The following NCMAP variants were observed in gnomAD, a reference collection of about 807,000 sequenced individuals.
NCMAP encodes non-compact myelin associated protein.
NCMAP carries 8 observed loss-of-function variants against 7.8 expected under a neutral mutation model. That is an observed-to-expected ratio of 1.02 (90% confidence interval 0.60 to 1.84). The LOEUF (loss-of-function observed/expected upper bound fraction) is 1.84, where lower values mean the gene tolerates loss of function less well. Ranked by LOEUF, NCMAP falls within the 40% of genes most tolerant of loss-of-function variation. The pLI, the probability that NCMAP is intolerant of heterozygous loss-of-function variation, is 0.00. For missense variants in NCMAP, 112 were observed against 131.4 expected, an observed-to-expected ratio of 0.85 and a Z score of 0.72; for synonymous variants, 41 against 52.9, an observed-to-expected ratio of 0.78 and a Z score of 0.98.
intron 3 of NCMAP, among the ~76,000 whole-genome samples, chr1:24,602,938 G>T (rs1652559834): frequency 6.6e-6 from 1 of 151,988 alleles, no homozygotes; most frequent in Non-Finnish European, 1.5e-5. Flanking sequence ...TACTTGGGAG[G>T]CTGAGGCAGG....
intron 1 of NCMAP, among the ~76,000 whole-genome samples, chr1:24,588,869 C>T (rs1651963374): frequency 6.6e-6 from 1 of 152,188 alleles, no homozygotes; most frequent in Non-Finnish European, 1.5e-5. Flanking sequence ...CTGCTGAACC[C>T]TGGCCTGTGT....
chr1:24,608,518 G>A lies in NCMAP; in HGVS notation c.*2771G>A, dbSNP rs1158204015. On this transcript the variant is annotated 3_prime_UTR_variant, in exon 4 of 4. Transcript: ENST00000374392. ...ACTTAGGCCCAAGGAGCAAGGGGTA[G>A]AATGGCATCTAACCAGAGCAAAGCC... 6.6e-6 allele frequency: 1 copy of A among 152,256 alleles called. No individual in the cohort carries two copies. Among genetic ancestry groups the A allele is most frequent in the East Asian group, 1.9e-4 (1 of 5,194 alleles). 9.4% of individuals were successfully genotyped at this position (152,256 alleles called of 1,614,324 possible).
intron 2 of NCMAP, among the ~76,000 whole-genome samples, chr1:24,600,134 C>T (rs1652427174): frequency 6.6e-6 from 1 of 151,062 alleles, no homozygotes; most frequent in Admixed American, 6.6e-5. Flanking sequence ...CTGCACCTAG[C>T]CAGATTTTTA....
chr1:24,572,518 AG>A (rs1029994618), intron 1 of NCMAP, among the ~76,000 whole-genome samples: 2 of 150,542 alleles, frequency 1.3e-5, no homozygotes, highest in African/African-American at 5.0e-5. Flanking sequence ...AGAACCTGCT[AG>A]CCCCGCCTGG....
chr1:24,568,968 T>C lies in NCMAP; in HGVS notation c.-8+12799T>C, dbSNP rs184399645. 5.9e-5 allele frequency among the ~76,000 whole-genome samples: 9 copies of C among 152,214 alleles called. No homozygotes were observed. The East Asian group carries it at 1.7e-3, about 29-fold the overall frequency. On this transcript the variant is annotated intron_variant, in intron 1 of 3. Coordinates refer to ENST00000374392, the MANE Select transcript of NCMAP (RefSeq NM_001010980.5). Reference sequence around the variant, plus strand: ...GAGCCCAGAGCATGCTAGTTTCTTATTGTGGAGGAAGTTCTTCCACAGCTT... The same window carrying C: ...GAGCCCAGAGCATGCTAGTTTCTTACTGTGGAGGAAGTTCTTCCACAGCTT...
chr1:24,592,835 C>T (rs12742343), intron 1 of NCMAP, among the ~76,000 whole-genome samples: 39,685 of 151,864 alleles, frequency 0.26, 5,469 homozygotes, highest in African/African-American at 0.33. Flanking sequence ...AGGAGAATGG[C>T]GTGAACCCGG....
chr1:24,576,279 C>T lies in NCMAP; in HGVS notation c.-7-19145C>T, dbSNP rs1651556163. The stretch of plus-strand genomic sequence containing the variant: ...TGCTTGAGAGGGTGGGAAGAAAAGA[C>T]AGGCGGCAGGCCAAGACGAGAGTGT... On this transcript the variant is annotated intron_variant, in intron 1 of 3. Coordinates refer to ENST00000374392, the MANE Select transcript of NCMAP (RefSeq NM_001010980.5). The surrounding 1 kb of genome is among the most constrained non-coding windows in gnomAD (Gnocchi z 4.0). 6.6e-6 allele frequency among the ~76,000 whole-genome samples: 1 copy of T among 152,218 alleles called. No homozygotes were observed. The highest frequency in any genetic ancestry group is 2.1e-4 in the South Asian group (1 of 4,836).
chr1:24,568,437 A>C (rs1651289191), intron 1 of NCMAP, among the ~76,000 whole-genome samples: 1 of 152,036 alleles, frequency 6.6e-6, no homozygotes, highest in African/African-American at 2.4e-5. Flanking sequence ...GTGATGCTAG[A>C]TCCATTGCTG....
chr1:24,560,160 CAAA>C lies in NCMAP; in HGVS notation c.-8+4014_-8+4016del, dbSNP rs67052970. Among the ~76,000 whole-genome samples, 350 of 89,526 alleles carry C rather than the reference CAAA, an allele frequency of 3.9e-3. 2 individuals are homozygous for C. Among genetic ancestry groups the C allele is most frequent in the South Asian group, 0.017 (43 of 2,568 alleles). 58.7% of individuals were successfully genotyped at this position (89,526 alleles called of 152,430 possible). A position where few individuals can be genotyped will look rare whatever the true frequency, so the allele number is the denominator to read the frequency against. On this transcript the variant is annotated intron_variant, in intron 1 of 3. Coordinates refer to ENST00000374392, the MANE Select transcript of NCMAP (RefSeq NM_001010980.5). The stretch of plus-strand genomic sequence containing the variant: ...TGGGCGACAGAGCCAGACTCCATCT[CAAA>C]AAAAAAAAAAAAAAAAAAAAAATTT...
intron 1 of NCMAP, among the ~76,000 whole-genome samples, chr1:24,581,394 G>T (rs1651741049): frequency 6.6e-6 from 1 of 152,226 alleles, no homozygotes; most frequent in South Asian, 2.1e-4. Context: ...TGGGATTACA[G>T]GCATGAGCCA....
Position 24,599,912 on chromosome 1 carries a change from C to T in NCMAP, c.83-1028C>T, listed in dbSNP as rs1268309598. ...GCCATGGTTCCATTTTTATCAAGTA[C>T]ATATTTTTCCATATTTAGGAATATT... On this transcript the variant is annotated intron_variant, in intron 2 of 3. Coordinates refer to ENST00000374392, the MANE Select transcript of NCMAP (RefSeq NM_001010980.5). 2.9e-5 allele frequency among the ~76,000 whole-genome samples: 4 copies of T among 138,954 alleles called. No individual in the cohort carries two copies. In the East Asian group the frequency reaches 8.7e-4, roughly 30 times the overall value. 91.2% of individuals were successfully genotyped at this position (138,954 alleles called of 152,430 possible). A position where few individuals can be genotyped will look rare whatever the true frequency, so the allele number is the denominator to read the frequency against.
chr1:24,562,329 A>G (rs893460025), intron 1 of NCMAP, among the ~76,000 whole-genome samples: 2 of 152,238 alleles, frequency 1.3e-5, no homozygotes, highest in Admixed American at 6.5e-5. Flanking sequence ...CAGGAACCCT[A>G]TAAATGAGTG....
intron 1 of NCMAP, among the ~76,000 whole-genome samples, chr1:24,578,886 A>G (rs1460027173): frequency 6.6e-6 from 1 of 152,076 alleles, no homozygotes; most frequent in Non-Finnish European, 1.5e-5. Context: ...GTTTTCTATC[A>G]TAAACTCATC....
intron 1 of NCMAP, among the ~76,000 whole-genome samples, chr1:24,571,779 C>A (rs558405359): frequency 8.7e-5 from 13 of 150,252 alleles, no homozygotes; most frequent in Admixed American, 2.6e-4. Flanking sequence ...AGAGACACGG[C>A]TTCACCATAT....
chr1:24,578,828 A>G (rs1651666447), intron 1 of NCMAP, among the ~76,000 whole-genome samples: 1 of 151,856 alleles, frequency 6.6e-6, no homozygotes, highest in African/African-American at 2.4e-5. Context: ...CAGCCTCCCA[A>G]AGTGCTGGGA....
chr1:24,593,483 A>C (rs1259859582), intron 1 of NCMAP, among the ~76,000 whole-genome samples: 2 of 152,066 alleles, frequency 1.3e-5, no homozygotes, highest in African/African-American at 4.8e-5. Flanking sequence ...ACAGAGTGAG[A>C]CTCCATCTCA....
intron 1 of NCMAP, among the ~76,000 whole-genome samples, chr1:24,586,332 A>T (rs1379099809): frequency 6.6e-6 from 1 of 152,226 alleles, no homozygotes; most frequent in Non-Finnish European, 1.5e-5. Context: ...GCTAACAGGG[A>T]TCAATGCAAA....
chr1:24,561,713 C>A (rs1356916346), intron 1 of NCMAP, among the ~76,000 whole-genome samples: 1 of 152,140 alleles, frequency 6.6e-6, no homozygotes, highest in Non-Finnish European at 1.5e-5. Flanking sequence ...GAGTTCCAGG[C>A]CAGCCTGGCC....
intron 1 of NCMAP, among the ~76,000 whole-genome samples, chr1:24,566,350 A>G (rs945802151): frequency 2.0e-5 from 3 of 152,006 alleles, no homozygotes; most frequent in Non-Finnish European, 4.4e-5. Flanking sequence ...GGAGAAATGG[A>G]CTCTGCCTCT....
Sources: gnomAD v4.1 joint callset for allele counts (sites outside exome capture counted in the v4.1 genomes callset) on GRCh38, gnomAD v4.1.1 for gene constraint, Gnocchi (gnomAD v3.1) non-coding constraint, MANE v1.5 for transcripts, NCBI Gene and HGNC (gene_info 2026-07-23, HGNC 2026-07-21) for gene names.